The following KCNQ1 variants were observed in gnomAD, a reference collection of about 807,000 sequenced individuals.
KCNQ1 encodes potassium voltage-gated channel subfamily Q member 1, also known as potassium voltage-gated channel subfamily KQT member 1.
In KCNQ1, 49 loss-of-function variants were observed where a neutral mutation model predicts 72.4. The ratio of observed to expected loss-of-function variants is 0.68; its 90% CI spans 0.54 to 0.86. The LOEUF is 0.86. KCNQ1 is among the 40% of genes least tolerant of loss of function. The pLI, the probability that KCNQ1 is intolerant of heterozygous loss-of-function variation, is 0.00. For missense variants in KCNQ1, 790 were observed against 945.1 expected (o/e 0.84, Z 2.15); for synonymous variants, 450 against 412.6 (o/e 1.09, Z -1.10).
intron 15 of KCNQ1, among the ~76,000 whole-genome samples, chr11:2,823,137 AC>A (rs1847772039): frequency 1.3e-5 from 2 of 152,190 alleles, no homozygotes; most frequent in Non-Finnish European, 2.9e-5. Context: ...AAGAGCAGCC[AC>A]TGTGTCATCA....
At position 2,498,250 on chromosome 11, in the gene KCNQ1, C is replaced by T. The variant is rs911277045; in HGVS notation, c.387-29678C>T. 1.3e-5 allele frequency among the ~76,000 whole-genome samples: 2 copies of T among 152,220 alleles called. No homozygotes were observed. The highest frequency in any genetic ancestry group is 4.8e-5 in the African/African-American group (2 of 41,454). Reference sequence around the variant, plus strand: ...GATCAGCTGCTCTCTTCAGAGCCAGCAGGCAGGAGAGTTCAAGTCTGCTGA... The same window carrying T: ...GATCAGCTGCTCTCTTCAGAGCCAGTAGGCAGGAGAGTTCAAGTCTGCTGA... On this transcript the variant is annotated intron_variant, in intron 1 of 15. Coordinates refer to ENST00000155840, the MANE Select transcript of KCNQ1 (RefSeq NM_000218.3). This position sits in a 1 kb window ranked among gnomAD's most constrained non-coding sequence, Gnocchi z 4.8.
chr11:2,563,666 G>C lies in KCNQ1; in HGVS notation c.478-6962G>C, dbSNP rs1015051312. On this transcript the variant is annotated intron_variant, in intron 2 of 15. Coordinates refer to ENST00000155840, the MANE Select transcript of KCNQ1 (RefSeq NM_000218.3). The surrounding 1 kb of genome is among the most constrained non-coding windows in gnomAD (Gnocchi z 7.4). Reference sequence around the variant, plus strand: ...TTAGGGTGTCCCGTTGGCATCCAGGGCCCCCCGTGAAGGATGGCACCGAGC... The same window carrying C: ...TTAGGGTGTCCCGTTGGCATCCAGGCCCCCCCGTGAAGGATGGCACCGAGC... 2.0e-5 allele frequency among the ~76,000 whole-genome samples: 3 copies of C among 152,176 alleles called. No individual in the cohort carries two copies. Among genetic ancestry groups the C allele is most frequent in the Non-Finnish European group, 4.4e-5 (3 of 68,034 alleles).
chr11:2,585,499 C>T (rs1848580932), intron 8 of KCNQ1, among the ~76,000 whole-genome samples, 192 bp downstream of exon 8: 1 of 152,244 alleles, frequency 6.6e-6, no homozygotes, highest in African/African-American at 2.4e-5. Context: ...AGCCTGTCTT[C>T]CTCCAAAGCT....
chr11:2,454,120 C>CAAG (rs139287856), intron 1 of KCNQ1, among the ~76,000 whole-genome samples: 1,803 of 151,862 alleles, frequency 0.012, 38 homozygotes, highest in African/African-American at 0.042. Context: ...AATATAGCAG[C>CAAG]TATTCTTCAT....
intron 11 of KCNQ1, among the ~76,000 whole-genome samples, chr11:2,737,647 G>A (rs527749248): frequency 3.3e-5 from 5 of 152,322 alleles, no homozygotes; most frequent in South Asian, 2.1e-4. Flanking sequence ...GTAAAATGCC[G>A]GGAAGCCTTC....
At chr11:2,511,648 A>G (rs1471448835) in intron 1 of KCNQ1, among the ~76,000 whole-genome samples, 2 of 152,196 alleles carry the variant, frequency 1.3e-5, no homozygotes, top group African/African-American at 2.4e-5. Context: ...TGCTAAATGC[A>G]TCTGTTGTTG....
intron 10 of KCNQ1, chr11:2,643,332 G>T: frequency 5.0e-6 from 2 of 398,354 alleles, no homozygotes; most frequent in Admixed American, 8.8e-5. Context: ...ATATATCTGG[G>T]TGCTTTGGTG....
At chr11:2,763,913 T>C (rs896835197) in intron 11 of KCNQ1, among the ~76,000 whole-genome samples, 7 of 152,176 alleles carry the variant, frequency 4.6e-5, no homozygotes, top group Non-Finnish European at 1.0e-4. Context: ...CTTGTTAAAT[T>C]CATGTATTCC....
At chr11:2,523,492 G>A (rs867084496) in intron 1 of KCNQ1, among the ~76,000 whole-genome samples, 1 of 152,162 alleles carries the variant, frequency 6.6e-6, no homozygotes, top group African/African-American at 2.4e-5. Flanking sequence ...GAGCCGCCGC[G>A]CCCGGCCCCA....
intron 11 of KCNQ1, among the ~76,000 whole-genome samples, chr11:2,700,896 A>C (rs1179153134): frequency 1.3e-5 from 2 of 152,206 alleles, no homozygotes; most frequent in Non-Finnish European, 2.9e-5. Context: ...CTCCGGGGAC[A>C]AAAGCCTGGG....
At chr11:2,685,118 T>G (rs1316566961) in intron 11 of KCNQ1, 6 of 398,570 alleles carry the variant, frequency 1.5e-5, no homozygotes, top group Non-Finnish European at 2.7e-5. Context: ...ACGGGGGGTC[T>G]GATGGTCAGA....
intron 15 of KCNQ1, among the ~76,000 whole-genome samples, chr11:2,807,447 G>T (rs936595088): frequency 6.6e-6 from 1 of 152,114 alleles, no homozygotes; most frequent in Admixed American, 6.5e-5. Flanking sequence ...GGGCCTCCTC[G>T]CCCCCCCACT....
At chr11:2,523,402 G>A (rs1417820879) in intron 1 of KCNQ1, among the ~76,000 whole-genome samples, 4 of 152,152 alleles carry the variant, frequency 2.6e-5, no homozygotes, top group African/African-American at 9.7e-5. Context: ...GTTTCACCAT[G>A]TTGGCCAGAC....
At chr11:2,792,574 G>A (rs2038560353) in intron 15 of KCNQ1, among the ~76,000 whole-genome samples, 1 of 152,180 alleles carries the variant, frequency 6.6e-6, no homozygotes, top group South Asian at 2.1e-4. Context: ...GGTCTGTGCG[G>A]GTGAGGGAGC....
chr11:2,529,326 G>A (rs985872970), intron 2 of KCNQ1, among the ~76,000 whole-genome samples: 28 of 152,096 alleles, frequency 1.8e-4, no homozygotes, highest in Middle Eastern at 3.2e-3. Flanking sequence ...TTTCTTTTTC[G>A]GGGGTTTCCT....
chr11:2,614,868 T>C (rs866281539), intron 10 of KCNQ1: 1 of 398,310 alleles, frequency 2.5e-6, no homozygotes, highest in Non-Finnish European at 4.4e-6. Context: ...TTTTAGATTG[T>C]TTGGGGCCCT....
intron 1 of KCNQ1, among the ~76,000 whole-genome samples, chr11:2,523,554 G>A (rs933800693): frequency 5.3e-5 from 8 of 152,158 alleles, no homozygotes; most frequent in African/African-American, 9.7e-5. Context: ...TGTGATGGAC[G>A]GCTGTCACCC....
chr11:2,681,804 T>G (rs1210009642), intron 11 of KCNQ1: 1 of 398,514 alleles, frequency 2.5e-6, no homozygotes, highest in Non-Finnish European at 4.4e-6. Flanking sequence ...AGTCCCTGCC[T>G]TCTCAGGTTA....
intron 10 of KCNQ1, chr11:2,660,921 C>T: frequency 5.0e-6 from 2 of 398,594 alleles, no homozygotes; most frequent in East Asian, 7.1e-5. Context: ...ACTATAAGAG[C>T]CTGAATGTCC....
Sources: gnomAD v4.1 joint callset for allele counts (sites outside exome capture counted in the v4.1 genomes callset) on GRCh38, gnomAD v4.1.1 for gene constraint, Gnocchi (gnomAD v3.1) non-coding constraint, MANE v1.5 for transcripts, NCBI Gene and HGNC (gene_info 2026-07-23, HGNC 2026-07-21) for gene names.